Variants in SLC24A2 observed in about 807,000 individuals in gnomAD.
SLC24A2 encodes solute carrier family 24 member 2, also known as sodium/potassium/calcium exchanger 2.
A neutral mutation model predicts 62.0 loss-of-function variants in SLC24A2; 36 were observed. That is an observed-to-expected ratio of 0.58 (90% CI 0.44 to 0.77). SLC24A2 has a LOEUF of 0.77. SLC24A2 is among the 30% of genes least tolerant of loss of function. The probability of loss-of-function intolerance (pLI) is 0.00; values close to 1 mark genes in which losing one functional copy is unlikely to be tolerated. For synonymous variants in SLC24A2, 358 were observed against 294.0 expected (o/e 1.22, Z -2.23); for missense variants, 846 against 817.9 (o/e 1.03, Z -0.42).
the SLC24A2 span, among the ~76,000 whole-genome samples, chr9:19,834,847 C>G: frequency 1.3e-5 from 2 of 152,116 alleles, no homozygotes; most frequent in African/African-American, 4.8e-5. Flanking sequence ...TACCCACAAA[C>G]GGAAGCCCAT....
At chr9:19,574,514 G>A (rs1385239434) in intron 6 of SLC24A2, among the ~76,000 whole-genome samples, 2 of 152,016 alleles carry the variant, frequency 1.3e-5, no homozygotes, top group African/African-American at 4.8e-5. Context: ...CTGGGGTGAT[G>A]GTAACAATAC....
the SLC24A2 span, among the ~76,000 whole-genome samples, chr9:20,100,205 T>C: frequency 6.7e-6 from 1 of 150,036 alleles, no homozygotes; most frequent in African/African-American, 2.5e-5. Flanking sequence ...TTTTTGTTTG[T>C]TTTTTTTGTT....
chr9:20,197,643 G>A, the SLC24A2 span, among the ~76,000 whole-genome samples: 3 of 152,156 alleles, frequency 2.0e-5, no homozygotes, highest in South Asian at 2.1e-4. Flanking sequence ...TGTTGGCCAA[G>A]CTGGTCTTGA....
the SLC24A2 span, among the ~76,000 whole-genome samples, chr9:20,129,172 G>T: frequency 6.6e-6 from 1 of 152,064 alleles, no homozygotes; most frequent in African/African-American, 2.4e-5. Context: ...CATACAAGTG[G>T]TCAGCAAGCT....
At chr9:19,819,162 C>T in the SLC24A2 span, among the ~76,000 whole-genome samples, 5 of 152,106 alleles carry the variant, frequency 3.3e-5, no homozygotes, top group African/African-American at 1.2e-4. Flanking sequence ...GAGAATGAAA[C>T]TAGATCCTCA....
intron 2 of SLC24A2, among the ~76,000 whole-genome samples, chr9:19,677,517 C>T (rs993403025): frequency 6.6e-6 from 1 of 152,148 alleles, no homozygotes; most frequent in African/African-American, 2.4e-5. Context: ...ATAATCTGCA[C>T]AACAAACCCC....
chr9:19,927,828 C>T, the SLC24A2 span: 1 of 152,242 alleles, frequency 6.6e-6, no homozygotes, highest in Non-Finnish European at 1.5e-5. Flanking sequence ...AACCCAAGAT[C>T]TCCTGAAAGC....
At chr9:19,995,674 C>G in the SLC24A2 span, among the ~76,000 whole-genome samples, 1 of 152,222 alleles carries the variant, frequency 6.6e-6, no homozygotes, top group Non-Finnish European at 1.5e-5. Flanking sequence ...CTGCTATAAT[C>G]TTTACTGTAG....
chr9:19,866,892 A>T, the SLC24A2 span, among the ~76,000 whole-genome samples: 1 of 152,026 alleles, frequency 6.6e-6, no homozygotes, highest in Non-Finnish European at 1.5e-5. Flanking sequence ...AGAGAGTAGA[A>T]GGCTGATTAT....
the SLC24A2 span, among the ~76,000 whole-genome samples, chr9:19,916,783 G>A: frequency 1.3e-5 from 2 of 151,806 alleles, no homozygotes; most frequent in Non-Finnish European, 2.9e-5. Context: ...TGGCGTAAAT[G>A]TTGATGTAAT....
chr9:19,545,294 T>C (rs989070840), intron 8 of SLC24A2, among the ~76,000 whole-genome samples: 3 of 152,060 alleles, frequency 2.0e-5, no homozygotes, highest in Non-Finnish European at 4.4e-5. Context: ...TTTATGTTCT[T>C]CTCGAAACTG....
the SLC24A2 span, among the ~76,000 whole-genome samples, chr9:19,812,899 G>T: frequency 6.6e-6 from 1 of 152,100 alleles, no homozygotes; most frequent in African/African-American, 2.4e-5. Context: ...ATCCCTCCAG[G>T]GCTTTCAACG....
At chr9:19,885,631 T>C in the SLC24A2 span, among the ~76,000 whole-genome samples, 1 of 152,148 alleles carries the variant, frequency 6.6e-6, no homozygotes, top group African/African-American at 2.4e-5. Flanking sequence ...CAGGGGTACA[T>C]GTACAGGGTT....
At chr9:20,019,296 A>AAAGG in the SLC24A2 span, among the ~76,000 whole-genome samples, 1 of 150,076 alleles carries the variant, frequency 6.7e-6, no homozygotes, top group African/African-American at 2.5e-5. Flanking sequence ...AGAAAGAAAG[A>AAAGG]AAGAAAGAAA....
chr9:20,133,550 T>C, the SLC24A2 span, among the ~76,000 whole-genome samples: 1 of 152,192 alleles, frequency 6.6e-6, no homozygotes. Flanking sequence ...GCAGTTTCTC[T>C]AAATTGTCAA....
At chr9:19,797,101 A>G in the SLC24A2 span, among the ~76,000 whole-genome samples, 6 of 152,096 alleles carry the variant, frequency 3.9e-5, no homozygotes, top group African/African-American at 1.2e-4. Context: ...GAGAAGTTCT[A>G]TCTTATTCTT....
chr9:20,223,133 A>G, the SLC24A2 span, among the ~76,000 whole-genome samples: 2 of 152,122 alleles, frequency 1.3e-5, no homozygotes, highest in Non-Finnish European at 2.9e-5. Flanking sequence ...AGACAAAAAA[A>G]GATGCCACTC....
intron 2 of SLC24A2, among the ~76,000 whole-genome samples, chr9:19,701,554 T>C (rs1394262392): frequency 1.3e-5 from 2 of 152,226 alleles, no homozygotes; most frequent in African/African-American, 4.8e-5. Context: ...CATGAATTTA[T>C]TACTGAACAG....
At chr9:19,558,706 G>A (rs1452264810) in intron 7 of SLC24A2, among the ~76,000 whole-genome samples, 1 of 152,192 alleles carries the variant, frequency 6.6e-6, no homozygotes, top group African/African-American at 2.4e-5. Flanking sequence ...CCCATGAGAA[G>A]AATATGCACA....
Sources: gnomAD v4.1 joint callset for allele counts (sites outside exome capture counted in the v4.1 genomes callset) on GRCh38, gnomAD v4.1.1 for gene constraint, MANE v1.5 for transcripts, NCBI Gene and HGNC (gene_info 2026-07-23, HGNC 2026-07-21) for gene names.